RMND1: variants seen among roughly 807,000 people sequenced by gnomAD.
RMND1 encodes required for meiotic nuclear division protein 1 homolog.
RMND1 carries 41 observed loss-of-function variants against 54.0 expected under a neutral mutation model. The observed-to-expected ratio is 0.76, with a 90% CI of 0.59 to 0.98. RMND1 has a LOEUF of 0.98. Among genes scored for constraint, RMND1 ranks in the 50% least tolerant of loss-of-function variants. The probability of loss-of-function intolerance (pLI) is 0.00; values close to 1 mark genes in which losing one functional copy is unlikely to be tolerated. For missense variants in RMND1, 457 were observed against 532.0 expected, an observed-to-expected ratio of 0.86 and a Z score of 1.39; for synonymous variants, 183 against 181.7, an observed-to-expected ratio of 1.01 and a Z score of -0.06.
intron 1 of RMND1, among the ~76,000 whole-genome samples, chr6:151,450,768 AG>A (rs920424000): frequency 2.0e-5 from 3 of 151,998 alleles, no homozygotes; most frequent in Non-Finnish European, 4.4e-5. Flanking sequence ...AAGGGGGGAA[AG>A]GGGGGGAAAA....
At chr6:151,407,869 C>T (rs557127541) in intron 10 of RMND1, among the ~76,000 whole-genome samples, 1 of 152,080 alleles carries the variant, frequency 6.6e-6, no homozygotes, top group East Asian at 1.9e-4. Context: ...CAAGATCGCG[C>T]CACTGCACTC....
At chr6:151,450,002 C>T (rs1781087928) in intron 1 of RMND1, among the ~76,000 whole-genome samples, 2 of 152,206 alleles carry the variant, frequency 1.3e-5, no homozygotes, top group Non-Finnish European at 1.5e-5. Flanking sequence ...CTCGCTACAA[C>T]CTCCACCTCC....
intron 1 of RMND1, among the ~76,000 whole-genome samples, chr6:151,449,837 G>C (rs1187091500): frequency 6.6e-6 from 1 of 152,246 alleles, no homozygotes; most frequent in Non-Finnish European, 1.5e-5. Context: ...TTTTGGTGGA[G>C]ACGGGGTTTC....
intron 2 of RMND1, among the ~76,000 whole-genome samples, chr6:151,443,305 A>G (rs574490409): frequency 1.1e-4 from 16 of 152,116 alleles, no homozygotes; most frequent in Non-Finnish European, 2.2e-4. Flanking sequence ...ACCACTTTAG[A>G]AACATGATTT....
intron 2 of RMND1, chr6:151,436,756 AG>A (rs2114959367): frequency 2.1e-6 from 1 of 468,804 alleles, no homozygotes; most frequent in African/African-American, 1.9e-5. Context: ...AATCTTGAAA[AG>A]AACTTGCTCC....
At chr6:151,411,081 C>T (rs1247854987) in intron 10 of RMND1, among the ~76,000 whole-genome samples, 1 of 152,090 alleles carries the variant, frequency 6.6e-6, no homozygotes, top group Non-Finnish European at 1.5e-5. Context: ...TGCCTCAGCC[C>T]CTCAAGTACC....
chr6:151,421,163 G>C (rs1562788609), intron 9 of RMND1, 82 bp downstream of exon 9: 2 of 984,024 alleles, frequency 2.0e-6, no homozygotes, highest in Non-Finnish European at 3.1e-6. Context: ...GTAAATGTTT[G>C]CTCTTCACCA....
chr6:151,421,441 G>A, intron 8 of RMND1, 120 bp from the exon 9 acceptor site: 1 of 622,058 alleles, frequency 1.6e-6, no homozygotes. Flanking sequence ...TATTTTTTAG[G>A]ATGGCTGTCT....
intron 1 of RMND1, chr6:151,446,045 T>C (rs1780944105): frequency 4.2e-6 from 2 of 476,936 alleles, no homozygotes; most frequent in Non-Finnish European, 7.4e-6. Context: ...ATTACAAGAT[T>C]ATAAAGCTAC....
At chr6:151,445,022 T>G (rs1780911320) in intron 2 of RMND1, 1 of 324,224 alleles carries the variant, frequency 3.1e-6, no homozygotes, top group Non-Finnish European at 5.6e-6. Flanking sequence ...AGACTGGACT[T>G]AATATTGGTC....
In RMND1 at chr6:151,433,951, C is replaced by T. The variant is rs886180082; in HGVS notation, c.614-721G>A. Among the ~76,000 whole-genome samples the T allele has an allele frequency of 1.4e-5, 2 of 138,832 alleles. 1 individual carries two copies. 91.1% of individuals were successfully genotyped at this position (138,832 alleles called of 152,430 possible). ...CTGAACTCAAGGGACCCCCCCCCGCCCCACCCACCTCAGCCTCCCAAGTAG... is the reference window on the plus strand; with the variant it reads ...CTGAACTCAAGGGACCCCCCCCCGCTCCACCCACCTCAGCCTCCCAAGTAG... On this transcript the variant is annotated intron_variant, in intron 3 of 11. Coordinates refer to ENST00000444024, the MANE Select transcript of RMND1 (RefSeq NM_017909.4).
intron 3 of RMND1, among the ~76,000 whole-genome samples, chr6:151,434,932 T>G (rs1456452792): frequency 1.3e-5 from 2 of 152,074 alleles, no homozygotes; most frequent in Non-Finnish European, 2.9e-5. Context: ...CATTGCAACC[T>G]CCACCTCCCA....
chr6:151,436,235 T>C, intron 3 of RMND1: 1 of 508,928 alleles, frequency 2.0e-6, no homozygotes, highest in Non-Finnish European at 3.5e-6. Context: ...ATAAATAATC[T>C]TAATAAATCA....
chr6:151,437,779 AT>A (rs1343600305), intron 2 of RMND1, among the ~76,000 whole-genome samples: 1 of 152,174 alleles, frequency 6.6e-6, no homozygotes, highest in Non-Finnish European at 1.5e-5. Flanking sequence ...TTCTCATGAA[AT>A]GGCCTGACCC....
intron 10 of RMND1, among the ~76,000 whole-genome samples, chr6:151,409,649 A>G (rs9478202): frequency 0.2 from 30,995 of 152,192 alleles, 5,549 homozygotes; most frequent in African/African-American, 0.46. Flanking sequence ...GGTACACACA[A>G]TTTTTAAAAG....
chr6:151,436,724 A>C (rs1036609217), intron 2 of RMND1, 170 bp from the exon 3 acceptor site: 16 of 537,214 alleles, frequency 3.0e-5, no homozygotes, highest in Non-Finnish European at 4.7e-5. Context: ...GAATGAAGTT[A>C]CTGGGAGGCA....
rs3029408 is a variant in RMND1, at chr6:151,415,792, C to CAA, written c.1200+1485_1200+1486dup. On this transcript the variant is annotated intron_variant, in intron 10 of 11. Transcript: ENST00000444024. ...TGGGCAACAGAGCAAGACTCCGTCT[C>CAA]AAAAAAAAAAAAAAAAAAAAAGTCA... is the stretch of plus-strand genomic sequence containing the variant. Among the ~76,000 whole-genome samples, 50 of 93,702 alleles carry CAA rather than the reference C, an allele frequency of 5.3e-4. 1 individual carries two copies. Among genetic ancestry groups the CAA allele is most frequent in the Non-Finnish European group, 2.9e-4 (13 of 45,020 alleles). The allele number at this position is 93,702 out of a possible 152,430, so 61.5% of individuals were successfully genotyped here. A position where few individuals can be genotyped will look rare whatever the true frequency, so the allele number is the denominator to read the frequency against.
In RMND1 at chr6:151,422,584, G is replaced by A; in HGVS notation, c.959C>T (p.Ala320Val). 1.3e-6 allele frequency: 2 copies of A among 1,538,138 alleles called. No individual in the cohort carries two copies. The highest frequency in any genetic ancestry group is 1.2e-5 in the South Asian group (1 of 80,878). Reference protein sequence around the residue: ...CLSVKLAIWEASLDKFIESIQ... With the variant: ...CLSVKLAIWEVSLDKFIESIQ... Reference sequence around the variant, plus strand: ...AGATTCAATAAATTTATCCAGTGATGCTTCCCAAATTGCCAGTTTTACTGG... The same window carrying A: ...AGATTCAATAAATTTATCCAGTGATACTTCCCAAATTGCCAGTTTTACTGG... The change falls in exon 8 of 12, where the codon GCA becomes GTA. Residue 320 changes from alanine (A) to valine (V), a missense_variant. Coordinates refer to ENST00000444024, the MANE Select transcript of RMND1 (RefSeq NM_017909.4).
At chr6:151,415,963 A>G (rs944799146) in intron 10 of RMND1, among the ~76,000 whole-genome samples, 2 of 151,440 alleles carry the variant, frequency 1.3e-5, no homozygotes, top group East Asian at 3.9e-4. Flanking sequence ...AAAAGTGATA[A>G]AACAGTTTTG....
Sources: allele counts gnomAD v4.1 joint callset (sites outside exome capture counted in the v4.1 genomes callset), GRCh38; gene constraint gnomAD v4.1.1; transcripts MANE v1.5; gene names NCBI Gene and HGNC (gene_info 2026-07-23, HGNC 2026-07-21).